Variants in DOP1B observed in about 807,000 individuals in gnomAD.
DOP1B encodes DOP1 leucine zipper like protein B, also known as protein DOP1B.
Under a neutral mutation model 233.5 loss-of-function variants are expected in DOP1B, and 174 were observed. That is an observed-to-expected ratio of 0.75 (90% CI 0.66 to 0.85). The LOEUF is 0.85. Ranked by LOEUF, DOP1B falls within the 40% of genes least tolerant of loss-of-function variation. DOP1B has a pLI of 0.00. For synonymous variants in DOP1B, 1,190 were observed against 1,185.6 expected (o/e 1.00, Z -0.08); for missense variants, 2,652 against 2,846.6 (o/e 0.93, Z 1.56).
intron 26 of DOP1B, among the ~76,000 whole-genome samples, chr21:36,267,625 C>CTTTT (rs3029062): frequency 0.25 from 28,806 of 116,492 alleles, 4,404 homozygotes; most frequent in Non-Finnish European, 0.3. Flanking sequence ...TGCAGTGAGA[C>CTTTT]TTTTTTTTTT....
intron 27 of DOP1B, 90 bp downstream of exon 27, chr21:36,270,247 A>G (rs2067271956): frequency 2.8e-6 from 4 of 1,441,964 alleles, no homozygotes; most frequent in Non-Finnish European, 3.8e-6. Context: ...TCTCACCACA[A>G]AAAGAAAGAA....
At chr21:36,279,799 G>GA (rs3216567) in intron 30 of DOP1B, among the ~76,000 whole-genome samples, 63,038 of 152,128 alleles carry the variant, frequency 0.41, 13,173 homozygotes, top group Middle Eastern at 0.51. Flanking sequence ...GGTTATAAAT[G>GA]AAAAGCTTTT....
intron 2 of DOP1B, among the ~76,000 whole-genome samples, chr21:36,166,879 G>A (rs766634509): frequency 6.6e-5 from 10 of 152,220 alleles, no homozygotes; most frequent in Non-Finnish European, 1.2e-4. Flanking sequence ...CTGGTCTTTT[G>A]CAAGGTATAT....
intron 4 of DOP1B, among the ~76,000 whole-genome samples, chr21:36,200,840 A>C (rs1440865563): frequency 7.8e-6 from 1 of 127,520 alleles, no homozygotes; most frequent in African/African-American, 3.1e-5. Flanking sequence ...CTCTGTCTCG[A>C]AAAAAAAAAA....
At chr21:36,264,796 A>T (rs2067214262) in intron 26 of DOP1B, among the ~76,000 whole-genome samples, 1 of 152,112 alleles carries the variant, frequency 6.6e-6, no homozygotes, top group Admixed American at 6.6e-5. Flanking sequence ...TTCTTTCCTT[A>T]AACGCCTTAT....
In DOP1B at chr21:36,261,906, A is replaced by G. The variant is rs1022690331; in HGVS notation, c.5315+1174A>G. On this transcript the variant is annotated intron_variant, in intron 24 of 36. Coordinates refer to ENST00000691173, the MANE Select transcript of DOP1B (RefSeq NM_001320714.2). ...AGGCTGGGGGACAGAATGAGACTCT[A>G]TCTCAAAAAGGAAAAAAAATGGGGG... 28 of 942,466 alleles carry G rather than the reference A, an allele frequency of 3.0e-5. No individual in the cohort carries two copies. In the East Asian group the frequency reaches 3.5e-4, roughly 12 times the overall value. The allele number at this position is 942,466 out of a possible 1,614,324, so 58.4% of individuals were successfully genotyped here.
chr21:36,158,944 A>G (rs538820117), intron 1 of DOP1B, among the ~76,000 whole-genome samples: 23 of 151,690 alleles, frequency 1.5e-4, no homozygotes, highest in Admixed American at 3.9e-4. Context: ...CCTGGCCAAC[A>G]TGGTGAAACT....
chr21:36,276,957 T>A, intron 27 of DOP1B, 64 bp from the exon 28 acceptor site: 1 of 1,544,880 alleles, frequency 6.5e-7, no homozygotes, highest in South Asian at 1.1e-5. Context: ...GCAGGGCTTT[T>A]GGGGACAGTA....
chr21:36,263,694 C>T, intron 25 of DOP1B, 44 bp downstream of exon 25: 3 of 1,612,456 alleles, frequency 1.9e-6, no homozygotes, highest in Non-Finnish European at 2.5e-6. Context: ...TTTCTCTTGG[C>T]ACATATTTTA....
chr21:36,292,313 G>A, intron 36 of DOP1B, 80 bp downstream of exon 36: 2 of 1,212,158 alleles, frequency 1.6e-6, no homozygotes, highest in Non-Finnish European at 2.2e-6. Flanking sequence ...TTAGAGTGCA[G>A]TGGTGCGGTC....
At chr21:36,272,675 C>T (rs1045663605) in intron 27 of DOP1B, among the ~76,000 whole-genome samples, 5 of 143,512 alleles carry the variant, frequency 3.5e-5, no homozygotes, top group African/African-American at 1.3e-4. Flanking sequence ...AAAGGACTAT[C>T]CTAGTAACAC....
chr21:36,163,079 G>A (rs1568992551), intron 1 of DOP1B, among the ~76,000 whole-genome samples: 2 of 152,058 alleles, frequency 1.3e-5, no homozygotes, highest in Non-Finnish European at 2.9e-5. Flanking sequence ...AGGCGCGGTG[G>A]CTCACGCCTG....
At position 36,223,207 on chromosome 21, in the gene DOP1B, T is replaced by C. The variant is rs374259127; in HGVS notation, c.1251-24T>C. On this transcript the variant is annotated intron_variant, in intron 10 of 36. Transcript: ENST00000691173. ...TTCAGGATTTTTTTATAGACATATTTATTCATGTCCTCCCCTTTTACAGTG... is the reference window on the plus strand; with the variant it reads ...TTCAGGATTTTTTTATAGACATATTCATTCATGTCCTCCCCTTTTACAGTG... 138 of 1,554,988 alleles carry C rather than the reference T, an allele frequency of 8.9e-5. No homozygotes were observed. The African/African-American group carries it at 1.5e-3, about 17-fold the overall frequency.
At chr21:36,196,994 G>C (rs1307742065) in intron 2 of DOP1B, among the ~76,000 whole-genome samples, 4 of 150,978 alleles carry the variant, frequency 2.6e-5, no homozygotes, top group Admixed American at 6.6e-5. Context: ...CCAGGCTAGA[G>C]TGCAGTTGGC....
intron 26 of DOP1B, among the ~76,000 whole-genome samples, chr21:36,266,210 C>G (rs760532388): frequency 3.3e-5 from 5 of 152,162 alleles, no homozygotes; most frequent in Non-Finnish European, 5.9e-5. Flanking sequence ...GAGTCTTGCT[C>G]TTGTTGCCCA....
At chr21:36,213,918 A>C (rs751711095) in intron 7 of DOP1B, among the ~76,000 whole-genome samples, 163 bp from the exon 8 acceptor site, 10 of 152,040 alleles carry the variant, frequency 6.6e-5, no homozygotes, top group Non-Finnish European at 1.2e-4. Context: ...TAGCCACACC[A>C]CTGTCAGAAG....
chr21:36,240,188 A>G (rs1182114821), intron 18 of DOP1B, among the ~76,000 whole-genome samples: 1 of 152,152 alleles, frequency 6.6e-6, no homozygotes, highest in Non-Finnish European at 1.5e-5. Flanking sequence ...GTTATTAAAA[A>G]AGGAAAGTTG....
At chr21:36,231,946 A>G (rs1220021168) in intron 14 of DOP1B, among the ~76,000 whole-genome samples, 2 of 151,726 alleles carry the variant, frequency 1.3e-5, no homozygotes, top group African/African-American at 2.4e-5. Flanking sequence ...CCCGGGTTCA[A>G]GTGATTCTCC....
intron 2 of DOP1B, among the ~76,000 whole-genome samples, chr21:36,171,711 A>G (rs987204309): frequency 3.3e-5 from 5 of 152,118 alleles, no homozygotes; most frequent in African/African-American, 1.2e-4. Flanking sequence ...CTCTCTTGAC[A>G]CCTTGATTTC....
Sources: gnomAD v4.1 joint callset for allele counts (sites outside exome capture counted in the v4.1 genomes callset) on GRCh38, gnomAD v4.1.1 for gene constraint, MANE v1.5 for transcripts, NCBI Gene and HGNC (gene_info 2026-07-23, HGNC 2026-07-21) for gene names.